Variants in CCNG1 observed in about 807,000 individuals in gnomAD.
CCNG1 encodes the protein cyclin G1.
A neutral mutation model predicts 30.0 loss-of-function variants in CCNG1; 13 were observed. The observed-to-expected ratio is 0.43, with a 90% CI of 0.28 to 0.69. CCNG1 has a LOEUF of 0.69. Among genes scored for constraint, CCNG1 ranks in the 30% least tolerant of loss-of-function variants. The pLI, the probability that CCNG1 is intolerant of heterozygous loss-of-function variation, is 0.16. For missense variants in CCNG1, 285 were observed against 331.4 expected (o/e 0.86, Z 1.09); for synonymous variants, 110 against 121.5 (o/e 0.91, Z 0.62).
downstream of CCNG1, among the ~76,000 whole-genome samples, chr5:163,445,315 G>A (rs1452969121): frequency 6.6e-6 from 1 of 151,660 alleles, no homozygotes; most frequent in Non-Finnish European, 1.5e-5. Context: ...ATGACTATTA[G>A]CTGACACTTT....
downstream of CCNG1, chr5:163,449,078 C>T (rs1581175363): frequency 6.6e-6 from 1 of 152,204 alleles, no homozygotes; most frequent in East Asian, 1.9e-4. Context: ...TTGTTCTGGC[C>T]ACTGCAATCA....
At chr5:163,441,353 C>T (rs761814570) in intron 3 of CCNG1, 22 bp downstream of exon 3, 2 of 1,602,718 alleles carry the variant, frequency 1.2e-6, no homozygotes, top group Non-Finnish European at 1.7e-6. Flanking sequence ...TTGTTTTGAA[C>T]AAGAGACATT....
At chr5:163,454,658 G>A in the CCNG1 span, among the ~76,000 whole-genome samples, 9 of 152,100 alleles carry the variant, frequency 5.9e-5, no homozygotes, top group Non-Finnish European at 1.0e-4. Flanking sequence ...AGCATTTTTT[G>A]AGAGCTTTCT....
rs550314620 is a variant in CCNG1, at chr5:163,443,827, T to C, written c.*157T>C. ...GACTTGGGAAAACTGCCTAATATTA[T>C]GCTGTAGTGGAATTATGTTTAGATT... is the stretch of plus-strand genomic sequence containing the variant. On this transcript the variant is annotated 3_prime_UTR_variant, in exon 7 of 7. Coordinates refer to ENST00000340828, the MANE Select transcript of CCNG1 (RefSeq NM_004060.4). 1 of 706,316 alleles carries C rather than the reference T, an allele frequency of 1.4e-6. No homozygotes were observed. Among genetic ancestry groups the C allele is most frequent in the African/African-American group, 1.8e-5 (1 of 55,682 alleles). 43.8% of individuals were successfully genotyped at this position (706,316 alleles called of 1,614,324 possible).
Position 163,442,073 on chromosome 5 carries a change from C to T in CCNG1, c.626C>T (p.Ala209Val). Reference sequence around the variant, plus strand: ...TCTGTGTTGGCATTGTCTATCATTGCATTAGAGATCCAAGCACAGAAGTGT... The same window carrying T: ...TCTGTGTTGGCATTGTCTATCATTGTATTAGAGATCCAAGCACAGAAGTGT... ...KPSVLALSII[A>V]LEIQAQKCVE... The change falls in exon 5 of 7, where the codon GCA (alanine) becomes GTA (valine). Residue 209 changes from alanine to valine, a missense_variant. Physicochemically the swap from Ala to Val is moderately conservative, Grantham distance 64. Coordinates refer to ENST00000340828, the MANE Select transcript of CCNG1 (RefSeq NM_004060.4). The T allele has an allele frequency of 6.2e-7, 1 of 1,612,236 alleles. No individual in the cohort carries two copies. The highest frequency in any genetic ancestry group is 1.7e-5 in the Admixed American group (1 of 59,952).
downstream of CCNG1, chr5:163,446,593 A>G (rs1237187092): frequency 1.3e-5 from 2 of 152,250 alleles, no homozygotes; most frequent in Non-Finnish European, 2.9e-5. Context: ...CATCATGATC[A>G]TAGAATAATA....
At chr5:163,456,902 C>A in the CCNG1 span, 1 of 1,433,074 alleles carries the variant, frequency 7.0e-7, no homozygotes, top group Non-Finnish European at 9.4e-7. Context: ...TTTAATTACA[C>A]ATACTCATAC....
In CCNG1 at chr5:163,444,026, A is replaced by G. The variant is rs1465063467; in HGVS notation, c.*356A>G. On this transcript the variant is annotated 3_prime_UTR_variant, in exon 7 of 7. Transcript: ENST00000340828. The stretch of plus-strand genomic sequence containing the variant: ...ATGCTATTGGAGGAGTCACACTAAT[A>G]CTATCAACTATCAGTCTTCCCACAG... 2.4e-5 allele frequency: 6 copies of G among 248,026 alleles called. No individual in the cohort carries two copies. The Admixed American group carries it at 3.2e-4, about 13-fold the overall frequency. 15.4% of individuals were successfully genotyped at this position (248,026 alleles called of 1,614,324 possible).
At chr5:163,438,047 CAGTTAGAGGTTCCTCACATGACT>C (rs1259400853) in intron 1 of CCNG1, among the ~76,000 whole-genome samples, 1 of 152,184 alleles carries the variant, frequency 6.6e-6, no homozygotes, top group East Asian at 1.9e-4. Context: ...GGAACCCCTG[CAGTTAGAGGTTCCTCACATGACT>C]AGCTCTGAAG....
At chr5:163,449,574 T>C (rs1415200069), downstream of CCNG1, 1 of 152,168 alleles carries the variant, frequency 6.6e-6, no homozygotes, top group Admixed American at 6.5e-5. Flanking sequence ...AATTCTAAAA[T>C]TCATATGGAA....
At chr5:163,443,204 C>A (rs1412668956) in intron 6 of CCNG1, among the ~76,000 whole-genome samples, 68 of 150,622 alleles carry the variant, frequency 4.5e-4, no homozygotes, top group Non-Finnish European at 7.4e-5. Flanking sequence ...CCCAGCTACT[C>A]GGGAGGCTGA....
At chr5:163,448,051 C>T (rs1758083212), downstream of CCNG1, 1 of 151,862 alleles carries the variant, frequency 6.6e-6, no homozygotes, top group Non-Finnish European at 1.5e-5. Flanking sequence ...GTCCCAGCCA[C>T]TCAGAAGGCT....
At chr5:163,448,749 A>G (rs1171605601), downstream of CCNG1, 1 of 152,228 alleles carries the variant, frequency 6.6e-6, no homozygotes, top group Admixed American at 6.5e-5. Flanking sequence ...AAATCTAGAT[A>G]CATAAGCTGA....
At chr5:163,456,295 TCA>T in the CCNG1 span, among the ~76,000 whole-genome samples, 3 of 152,196 alleles carry the variant, frequency 2.0e-5, no homozygotes, top group Non-Finnish European at 4.4e-5. Flanking sequence ...TTGAGTAGTT[TCA>T]CAGAGATGAA....
chr5:163,455,340 G>C, the CCNG1 span, among the ~76,000 whole-genome samples: 4 of 152,322 alleles, frequency 2.6e-5, no homozygotes, highest in Middle Eastern at 3.4e-3. Context: ...GGCAAAAGCA[G>C]AATCACTAAG....
At chr5:163,451,001 C>T (rs1330094320), downstream of CCNG1, 1 of 152,152 alleles carries the variant, frequency 6.6e-6, no homozygotes, top group Non-Finnish European at 1.5e-5. Flanking sequence ...ATAGATGAAC[C>T]TCTTAAGACA....
In CCNG1 at chr5:163,443,872, TTCAAA is replaced by T; in HGVS notation, c.*208_*212del. 1 of 545,094 alleles carries T rather than the reference TTCAAA, an allele frequency of 1.8e-6. No individual in the cohort carries two copies. Among genetic ancestry groups the T allele is most frequent in the Non-Finnish European group, 3.2e-6 (1 of 316,704 alleles). The allele number at this position is 545,094 out of a possible 1,614,324, so 33.8% of individuals were successfully genotyped here. On this transcript the variant is annotated 3_prime_UTR_variant, in exon 7 of 7. Coordinates refer to ENST00000340828, the MANE Select transcript of CCNG1 (RefSeq NM_004060.4). ...TAGATTTGAATTCATCTGTGAAGCA[TTCAAA>T]TCAAAGCTAAAAGCCTAAATGTGAA...
chr5:163,454,570 A>T, the CCNG1 span, among the ~76,000 whole-genome samples: 1 of 151,942 alleles, frequency 6.6e-6, no homozygotes, highest in Non-Finnish European at 1.5e-5. Flanking sequence ...TGAACTCCCA[A>T]CCTCCGGTGA....
chr5:163,457,557 CT>C, the CCNG1 span: 1 of 1,538,800 alleles, frequency 6.5e-7, no homozygotes, highest in South Asian at 1.1e-5. Context: ...AGTAATTACC[CT>C]TACCCAAAGT....
Sources: gnomAD v4.1 joint callset for allele counts (sites outside exome capture counted in the v4.1 genomes callset) on GRCh38, gnomAD v4.1.1 for gene constraint, MANE v1.5 for transcripts, NCBI Gene and HGNC (gene_info 2026-07-23, HGNC 2026-07-21) for gene names.